ZBTB7C: variants seen among roughly 807,000 people sequenced by gnomAD.
ZBTB7C encodes the protein zinc finger and BTB domain-containing protein 7C.
In ZBTB7C, 8 loss-of-function variants were observed where a neutral mutation model predicts 25.7. The ratio of observed to expected loss-of-function variants is 0.31; its 90% confidence interval spans 0.18 to 0.56. ZBTB7C has a LOEUF of 0.56. ZBTB7C is among the 20% of genes least tolerant of loss of function. The probability of loss-of-function intolerance (pLI) is 0.91; values close to 1 mark genes in which losing one functional copy is unlikely to be tolerated. For missense variants in ZBTB7C, 824 were observed against 855.2 expected, an observed-to-expected ratio of 0.96 and a Z score of 0.46; for synonymous variants, 394 against 369.0, an observed-to-expected ratio of 1.07 and a Z score of -0.78.
At chr18:48,373,433 C>G (rs1463621032) in intron 1 of ZBTB7C, among the ~76,000 whole-genome samples, 1 of 152,118 alleles carries the variant, frequency 6.6e-6, no homozygotes, top group Non-Finnish European at 1.5e-5. Context: ...AACCTCTTTT[C>G]TTTATAAATT....
chr18:48,317,973 C>A (rs1176909145), intron 2 of ZBTB7C, among the ~76,000 whole-genome samples: 1 of 152,184 alleles, frequency 6.6e-6, no homozygotes, highest in Non-Finnish European at 1.5e-5. Flanking sequence ...AGGACCCCTG[C>A]CTCCTTCCTC....
At chr18:48,368,736 A>G (rs1039480596) in intron 1 of ZBTB7C, among the ~76,000 whole-genome samples, 7 of 152,244 alleles carry the variant, frequency 4.6e-5, no homozygotes, top group African/African-American at 1.7e-4. Context: ...AACAATTAGG[A>G]GGACAGCAGG....
At chr18:48,376,232 T>C (rs948731957) in intron 1 of ZBTB7C, among the ~76,000 whole-genome samples, 1 of 152,246 alleles carries the variant, frequency 6.6e-6, no homozygotes, top group African/African-American at 2.4e-5. Flanking sequence ...GTTCTTCTTA[T>C]GTCCATTCGC....
intron 1 of ZBTB7C, among the ~76,000 whole-genome samples, chr18:48,355,735 C>T (rs938837265): frequency 2.6e-5 from 4 of 152,212 alleles, no homozygotes; most frequent in Non-Finnish European, 4.4e-5. Flanking sequence ...GGAAGTCTCC[C>T]GTGCACCCCT....
rs576393162 is a variant in ZBTB7C at position 48,104,849 on chromosome 18, T to C, written c.-16-63726A>G. Among the ~76,000 whole-genome samples, 4 of 152,280 alleles carry C rather than the reference T, an allele frequency of 2.6e-5. No homozygotes were observed. The East Asian group carries it at 7.7e-4, about 29-fold the overall frequency. On this transcript the variant is annotated intron_variant, in intron 3 of 4. Transcript: ENST00000590800. The stretch of plus-strand genomic sequence containing the variant: ...GTCAAGCCAGCAGTGTGTGGGGCCA[T>C]CGTGCAGTGCCTCCCAGGCCCTGGG...
At chr18:48,336,247 G>A (rs2046454706) in intron 2 of ZBTB7C, among the ~76,000 whole-genome samples, 1 of 152,086 alleles carries the variant, frequency 6.6e-6, no homozygotes, top group Non-Finnish European at 1.5e-5. Flanking sequence ...CAAAGCCCAG[G>A]CCCCCAACCC....
intron 2 of ZBTB7C, among the ~76,000 whole-genome samples, chr18:48,231,899 G>A (rs4527085): frequency 0.14 from 21,246 of 152,162 alleles, 1,672 homozygotes; most frequent in Non-Finnish European, 0.17. Flanking sequence ...GTCTGGTCCC[G>A]GCACAGCCTT....
intron 2 of ZBTB7C, among the ~76,000 whole-genome samples, chr18:48,276,028 T>C (rs1311165769): frequency 6.6e-6 from 1 of 152,150 alleles, no homozygotes; most frequent in Non-Finnish European, 1.5e-5. Flanking sequence ...CTGACGGGAT[T>C]TGAGGACCTG....
intron 2 of ZBTB7C, among the ~76,000 whole-genome samples, chr18:48,251,383 A>G (rs1383632891): frequency 6.6e-6 from 1 of 152,236 alleles, no homozygotes; most frequent in Admixed American, 6.5e-5. Flanking sequence ...CACACTTGTG[A>G]TGCAGGATCT....
At chr18:48,166,908 C>A (rs2144993008) in intron 3 of ZBTB7C, among the ~76,000 whole-genome samples, 1 of 152,256 alleles carries the variant, frequency 6.6e-6, no homozygotes, top group East Asian at 1.9e-4. Context: ...GGGGGGGAAG[C>A]TCTTGAGGCT....
chr18:48,258,743 C>T (rs1392308871), intron 2 of ZBTB7C, among the ~76,000 whole-genome samples: 1 of 152,160 alleles, frequency 6.6e-6, no homozygotes, highest in Non-Finnish European at 1.5e-5. Flanking sequence ...CTGCAACCTC[C>T]ATCTCCCAGG....
intron 4 of ZBTB7C, among the ~76,000 whole-genome samples, chr18:48,030,440 T>C (rs1299655091): frequency 2.0e-5 from 3 of 152,354 alleles, no homozygotes; most frequent in South Asian, 4.1e-4. Context: ...TGGGAGGCTA[T>C]AGAAGCTTGG....
intron 1 of ZBTB7C, among the ~76,000 whole-genome samples, chr18:48,406,506 C>CT (rs996186096): frequency 1.3e-5 from 2 of 152,170 alleles, no homozygotes; most frequent in Admixed American, 1.3e-4. Flanking sequence ...AACTATCTAT[C>CT]TTGTGGGAAT....
intron 2 of ZBTB7C, among the ~76,000 whole-genome samples, chr18:48,327,427 C>T (rs1598879671): frequency 1.3e-5 from 2 of 152,328 alleles, no homozygotes; most frequent in East Asian, 3.9e-4. Flanking sequence ...GGAAAGAGCA[C>T]AAGGCTGTGA....
chr18:48,037,553 G>A (rs2036027744), intron 4 of ZBTB7C, among the ~76,000 whole-genome samples: 1 of 152,260 alleles, frequency 6.6e-6, no homozygotes, highest in South Asian at 2.1e-4. Flanking sequence ...AGGGTGCACA[G>A]ACTGTCCAGA....
intron 3 of ZBTB7C, among the ~76,000 whole-genome samples, chr18:48,127,363 C>T (rs894935866): frequency 6.6e-6 from 1 of 152,242 alleles, no homozygotes; most frequent in Non-Finnish European, 1.5e-5. Context: ...ACAGCACTGT[C>T]TCTCTTGTAC....
intron 3 of ZBTB7C, among the ~76,000 whole-genome samples, chr18:48,103,112 T>TCTATCTATC (rs371534337): frequency 3.1e-5 from 4 of 130,964 alleles, no homozygotes; most frequent in Non-Finnish European, 6.2e-5. Flanking sequence ...ATATTTTATA[T>TCTATCTATC]TATCTATCTA....
Position 48,307,401 on chromosome 18 carries a change from A to T in ZBTB7C, c.-79+30773T>A, listed in dbSNP as rs11874180. ...ATCACAGAACTTCCTTTCCTAGCTG[A>T]AAAGGATTTGCCCAGGCCAGGGACT... On this transcript the variant is annotated intron_variant, in intron 2 of 4. Transcript: ENST00000590800. Among the ~76,000 whole-genome samples, 420 of 152,384 alleles carry T rather than the reference A, an allele frequency of 2.8e-3. 1 individual carries two copies. Among genetic ancestry groups the T allele is most frequent in the African/African-American group, 9.9e-3 (410 of 41,596 alleles).
At chr18:48,181,313 A>G (rs973242969) in intron 3 of ZBTB7C, among the ~76,000 whole-genome samples, 1 of 152,180 alleles carries the variant, frequency 6.6e-6, no homozygotes, top group Non-Finnish European at 1.5e-5. Flanking sequence ...GAGTGCTGTG[A>G]GCTGAGCAGT....
Sources: allele counts gnomAD v4.1 joint callset (sites outside exome capture counted in the v4.1 genomes callset), GRCh38; gene constraint gnomAD v4.1.1; transcripts MANE v1.5; gene names NCBI Gene and HGNC (gene_info 2026-07-23, HGNC 2026-07-21).